Variants in WDR86 observed in about 807,000 individuals in gnomAD.
WDR86 encodes the protein WD repeat-containing protein 86.
Under a neutral mutation model 36.5 loss-of-function variants are expected in WDR86, and 30 were observed. The ratio of observed to expected loss-of-function variants is 0.82; its 90% CI spans 0.61 to 1.11. The LOEUF (loss-of-function observed/expected upper bound fraction) is 1.11. WDR86 is among the 50% of genes most tolerant of loss of function. WDR86 has a pLI of 0.00. For synonymous variants in WDR86, 255 were observed against 252.9 expected (o/e 1.01, Z -0.08); for missense variants, 545 against 561.2 (o/e 0.97, Z 0.29).
At chr7:151,384,771 A>G (rs1450829870) in intron 4 of WDR86, among the ~76,000 whole-genome samples, 1 of 152,228 alleles carries the variant, frequency 6.6e-6, no homozygotes, top group Non-Finnish European at 1.5e-5. Context: ...GGCTGGCAGG[A>G]TTAAGGGGCA....
chr7:151,396,337 G>T, intron 2 of WDR86, 141 bp from the exon 3 acceptor site: 1 of 994,838 alleles, frequency 1.0e-6, no homozygotes, highest in Non-Finnish European at 1.5e-6. Flanking sequence ...CGTCTTCCAA[G>T]GTCCAGCTCA....
Position 151,409,704 on chromosome 7 carries a change from A to C in WDR86, c.-115T>G. ...CCCGCGGCCATCGCGGGGAACGGGG[A>C]GCCCGACTCCTGCGGAGGCACGCGG... On this transcript the variant is annotated 5_prime_UTR_variant, in exon 1 of 6. Coordinates refer to ENST00000334493, the MANE Select transcript of WDR86 (RefSeq NM_198285.3). This position sits in a 1 kb window ranked among gnomAD's most constrained non-coding sequence, Gnocchi z 5.2. 7.7e-7 allele frequency: 1 copy of C among 1,296,740 alleles called. No individual in the cohort carries two copies. Among genetic ancestry groups the C allele is most frequent in the South Asian group, 2.4e-5 (1 of 41,202 alleles). 80.3% of individuals were successfully genotyped at this position (1,296,740 alleles called of 1,614,324 possible).
rs1417689306 is a variant in WDR86 at position 151,381,606 on chromosome 7, G to A, written c.1107C>T (p.Ala369=). 1 of 1,371,598 alleles carries A rather than the reference G, an allele frequency of 7.3e-7. No individual in the cohort carries two copies. Among genetic ancestry groups the A allele is most frequent in the South Asian group, 1.7e-5 (1 of 58,562 alleles). The allele number at this position is 1,371,598 out of a possible 1,614,324, so 85.0% of individuals were successfully genotyped here. The change falls in exon 6 of 6, where the codon GCC becomes GCT. Residue 369 remains alanine, a synonymous_variant. Coordinates refer to ENST00000334493, the MANE Select transcript of WDR86 (RefSeq NM_198285.3). The surrounding 1 kb of genome is among the most constrained non-coding windows in gnomAD (Gnocchi z 4.8). The stretch of plus-strand genomic sequence containing the variant: ...ATCAGGCCGGCTGCAGGGGCGCGGC[G>A]GCGCAGCCCACCTTGTTGCTGAAGA... The part of the protein sequence containing the change: ...SRLFSNKVGC[A]AAPLQPA
chr7:151,376,992 T>C (rs1159015042), downstream of WDR86: 6 of 1,457,452 alleles, frequency 4.1e-6, no homozygotes, highest in African/African-American at 2.8e-5. Context: ...GGTCGTGCAG[T>C]GTCCCCAGGA....
the WDR86 span, among the ~76,000 whole-genome samples, chr7:151,369,698 A>G: frequency 2.0e-5 from 3 of 152,254 alleles, no homozygotes; most frequent in African/African-American, 7.2e-5. Flanking sequence ...TATTAGCAGG[A>G]GAGCCATTTT....
In WDR86 at chr7:151,395,800, G is replaced by C; in HGVS notation, c.702C>G (p.His234Gln). 6.4e-7 allele frequency: 1 copy of C among 1,565,310 alleles called. No individual in the cohort carries two copies. Among genetic ancestry groups the C allele is most frequent in the Middle Eastern group, 2.3e-4 (1 of 4,390 alleles). Residue 234 changes from histidine (H) to glutamine (Q), a missense_variant, in exon 3 of 6, where the codon CAC becomes CAG. By Grantham distance (24) the His-to-Gln change is conservative. Coordinates refer to ENST00000334493, the MANE Select transcript of WDR86 (RefSeq NM_198285.3). ...SGEQLRVFREHRGSVICLELV... is the reference protein window; with the variant it reads ...SGEQLRVFREQRGSVICLELV... ...CCTCCAGACAGATGACGGAGCCCCG[G>C]TGCTCCCGGAACACCCGCAGCTGCT... is the stretch of plus-strand genomic sequence containing the variant.
In WDR86 at chr7:151,381,186, A is replaced by C. The variant is rs750184938; in HGVS notation, c.*396T>G. 2.6e-4 allele frequency: 329 copies of C among 1,251,668 alleles called. No individual in the cohort carries two copies. Among genetic ancestry groups the C allele is most frequent in the Non-Finnish European group, 3.0e-4 (297 of 1,000,868 alleles). 77.5% of individuals were successfully genotyped at this position (1,251,668 alleles called of 1,614,324 possible). A position where few individuals can be genotyped will look rare whatever the true frequency, so the allele number is the denominator to read the frequency against. ...GGCCCTCGAGACGGACGATTTGCCA[A>C]AATAACCAGGTTCAGTGGCTTCTGT... On this transcript the variant is annotated 3_prime_UTR_variant, in exon 6 of 6. Transcript: ENST00000334493. This position sits in a 1 kb window ranked among gnomAD's most constrained non-coding sequence, Gnocchi z 4.8.
Position 151,381,616 on chromosome 7 carries a change from A to T in WDR86, c.1097T>A (p.Val366Glu), listed in dbSNP as rs1024720094. 7.3e-7 allele frequency: 1 copy of T among 1,376,892 alleles called. No homozygotes were observed. The highest frequency in any genetic ancestry group is 1.7e-5 in the South Asian group (1 of 59,344). The allele number at this position is 1,376,892 out of a possible 1,614,324, so 85.3% of individuals were successfully genotyped here. A position where few individuals can be genotyped will look rare whatever the true frequency, so the allele number is the denominator to read the frequency against. The stretch of plus-strand genomic sequence containing the variant: ...CTGCAGGGGCGCGGCGGCGCAGCCC[A>T]CCTTGTTGCTGAAGAGCCGCGAGAG... ...RSLSRLFSNK[V>E]GCAAAPLQPA The change falls in exon 6 of 6, where the codon GTG becomes GAG. Residue 366 changes from valine to glutamate, a missense_variant. Transcript: ENST00000334493. The surrounding 1 kb of genome is among the most constrained non-coding windows in gnomAD (Gnocchi z 4.8).
At chr7:151,370,097 CT>C in the WDR86 span, among the ~76,000 whole-genome samples, 8,071 of 143,546 alleles carry the variant, frequency 0.056, 193 homozygotes, top group Admixed American at 0.082. Flanking sequence ...AAGCTGAGTT[CT>C]TTTTTTTTTT....
rs919734261 is a variant in WDR86 at position 151,401,354 on chromosome 7, A to G, written c.164-1113T>C. Among the ~76,000 whole-genome samples the G allele has an allele frequency of 7.9e-5, 12 of 152,064 alleles. No individual in the cohort carries two copies. The highest frequency in any genetic ancestry group is 2.7e-4 in the African/African-American group (11 of 41,396). ...TCAACAGCAGGAGCAATCCAGGGGC[A>G]CTCGCCTGCACCCTAAACCCTCTGT... On this transcript the variant is annotated intron_variant, in intron 1 of 5. Coordinates refer to ENST00000334493, the MANE Select transcript of WDR86 (RefSeq NM_198285.3). The surrounding 1 kb of genome is among the most constrained non-coding windows in gnomAD (Gnocchi z 4.3).
At position 151,409,770 on chromosome 7, in the gene WDR86, G is replaced by A. The variant is rs1801066525; in HGVS notation, c.-181C>T. ...GGACCCTAGCTCCCCGCTGCCTCCA[G>A]CCTCTGGGCCCGCGAACCCAGGGCG... On this transcript the variant is annotated 5_prime_UTR_variant, in exon 1 of 6. Coordinates refer to ENST00000334493, the MANE Select transcript of WDR86 (RefSeq NM_198285.3). This position sits in a 1 kb window ranked among gnomAD's most constrained non-coding sequence, Gnocchi z 5.2. The A allele has an allele frequency of 7.8e-7, 1 of 1,274,252 alleles. No individual in the cohort carries two copies. The highest frequency in any genetic ancestry group is 9.9e-7 in the Non-Finnish European group (1 of 1,014,322). The allele number at this position is 1,274,252 out of a possible 1,614,324, so 78.9% of individuals were successfully genotyped here. A position where few individuals can be genotyped will look rare whatever the true frequency, so the allele number is the denominator to read the frequency against.
intron 2 of WDR86, among the ~76,000 whole-genome samples, chr7:151,397,519 G>T (rs1209791738): frequency 2.6e-5 from 4 of 152,202 alleles, no homozygotes; most frequent in African/African-American, 9.7e-5. Flanking sequence ...TGCCTCCCAG[G>T]TTCAAGCGAT....
chr7:151,373,631 C>A (rs1798059729), downstream of WDR86, among the ~76,000 whole-genome samples: 1 of 152,206 alleles, frequency 6.6e-6, no homozygotes, highest in African/African-American at 2.4e-5. Context: ...TGCCCAGGAG[C>A]CCCTGATTCC....
chr7:151,405,000 C>T (rs908349484), intron 1 of WDR86, among the ~76,000 whole-genome samples: 4 of 152,212 alleles, frequency 2.6e-5, no homozygotes, highest in Admixed American at 1.3e-4. Flanking sequence ...CCACACGGGG[C>T]AGGGATGGCA....
In WDR86 at chr7:151,390,936, G is replaced by A. The variant is rs978877251; in HGVS notation, c.726+4840C>T. ...TGGGGACAGAGTTCTGATTTGGGCT[G>A]ATGGAAAAGTCTGGAAATCATGGTA... is the stretch of plus-strand genomic sequence containing the variant. On this transcript the variant is annotated intron_variant, in intron 3 of 5. Transcript: ENST00000334493. This position sits in a 1 kb window ranked among gnomAD's most constrained non-coding sequence, Gnocchi z 4.5. 6.6e-6 allele frequency among the ~76,000 whole-genome samples: 1 copy of A among 152,260 alleles called. No individual in the cohort carries two copies. Among genetic ancestry groups the A allele is most frequent in the South Asian group, 2.1e-4 (1 of 4,838 alleles).
At chr7:151,375,401 G>C (rs1798169507), downstream of WDR86, among the ~76,000 whole-genome samples, 1 of 152,116 alleles carries the variant, frequency 6.6e-6, no homozygotes, top group East Asian at 1.9e-4. Context: ...GGAAAGGAAA[G>C]TCTCCACAGG....
chr7:151,388,402 C>T lies in WDR86; in HGVS notation c.727-3179G>A, dbSNP rs1027397034. Among the ~76,000 whole-genome samples, 23 of 152,236 alleles carry T rather than the reference C, an allele frequency of 1.5e-4. No individual in the cohort carries two copies. Among genetic ancestry groups the T allele is most frequent in the African/African-American group, 4.3e-4 (18 of 41,462 alleles). Reference sequence around the variant, plus strand: ...CTCCTCCTTCACAAGGACCCCAGGTCAAGCCCAGAACCTGGGCGACCCCTC... The same window carrying T: ...CTCCTCCTTCACAAGGACCCCAGGTTAAGCCCAGAACCTGGGCGACCCCTC... On this transcript the variant is annotated intron_variant, in intron 3 of 5. Coordinates refer to ENST00000334493, the MANE Select transcript of WDR86 (RefSeq NM_198285.3). This position sits in a 1 kb window ranked among gnomAD's most constrained non-coding sequence, Gnocchi z 4.2.
At chr7:151,408,851 C>T (rs766045505) in intron 1 of WDR86, 8 of 464,758 alleles carry the variant, frequency 1.7e-5, no homozygotes, top group Non-Finnish European at 3.6e-5. Flanking sequence ...AGACTGCCAT[C>T]TACCCCTCAC....
intron 3 of WDR86, among the ~76,000 whole-genome samples, chr7:151,387,601 C>G (rs1799083783): frequency 6.6e-6 from 1 of 152,086 alleles, no homozygotes; most frequent in Non-Finnish European, 1.5e-5. Context: ...GAGATCCAAC[C>G]AAGCAGAAGC....
Sources: allele counts gnomAD v4.1 joint callset (sites outside exome capture counted in the v4.1 genomes callset), GRCh38; gene constraint gnomAD v4.1.1; non-coding constraint Gnocchi (gnomAD v3.1); transcripts MANE v1.5; gene names NCBI Gene and HGNC (gene_info 2026-07-23, HGNC 2026-07-21).